FBXO10: variants seen among roughly 807,000 people sequenced by gnomAD.
FBXO10 encodes F-box only protein 10.
FBXO10 carries 39 observed loss-of-function variants against 80.7 expected under a neutral mutation model. That is an observed-to-expected ratio of 0.48 (90% CI 0.37 to 0.63). The LOEUF (loss-of-function observed/expected upper bound fraction) is 0.63. Among genes scored for constraint, FBXO10 ranks in the 30% least tolerant of loss-of-function variants. The probability of loss-of-function intolerance (pLI) is 0.00; values close to 1 mark genes in which losing one functional copy is unlikely to be tolerated. For missense variants in FBXO10, 1,025 were observed against 1,269.0 expected (o/e 0.81, Z 2.92); for synonymous variants, 449 against 489.6 (o/e 0.92, Z 1.09).
At chr9:37,552,549 G>C (rs984740642) in intron 1 of FBXO10, among the ~76,000 whole-genome samples, 1 of 152,006 alleles carries the variant, frequency 6.6e-6, no homozygotes, top group Non-Finnish European at 1.5e-5. Context: ...AAAATTAGCC[G>C]GGCATGGTGG....
chr9:37,521,479 A>C (rs979605129), intron 8 of FBXO10, 90 bp downstream of exon 8: 83 of 1,348,716 alleles, frequency 6.2e-5, no homozygotes, highest in Non-Finnish European at 4.9e-6. Context: ...TTTAAATTTA[A>C]ATTAAATTAA....
At chr9:37,564,785 C>T (rs922681928) in intron 1 of FBXO10, among the ~76,000 whole-genome samples, 4 of 152,214 alleles carry the variant, frequency 2.6e-5, no homozygotes, top group African/African-American at 9.7e-5. Context: ...TTTGATTTTA[C>T]AGGCTCATAG....
intron 3 of FBXO10, among the ~76,000 whole-genome samples, chr9:37,532,801 T>A (rs1821663464): frequency 6.6e-6 from 1 of 152,238 alleles, no homozygotes; most frequent in Non-Finnish European, 1.5e-5. Context: ...TAAGTTTGCA[T>A]GAAGATTTCC....
intron 10 of FBXO10, among the ~76,000 whole-genome samples, chr9:37,513,429 A>G (rs893371127): frequency 3.3e-5 from 5 of 152,224 alleles, no homozygotes; most frequent in Admixed American, 6.5e-5. Flanking sequence ...GTACACCCAT[A>G]CAGGGGAAGA....
chr9:37,543,612 G>A (rs1821979831), intron 1 of FBXO10, among the ~76,000 whole-genome samples: 1 of 152,220 alleles, frequency 6.6e-6, no homozygotes, highest in Non-Finnish European at 1.5e-5. Context: ...CTATAGCACT[G>A]CAGGTCATAG....
intron 1 of FBXO10, among the ~76,000 whole-genome samples, chr9:37,563,860 C>T (rs1563890028): frequency 6.6e-6 from 1 of 152,162 alleles, no homozygotes; most frequent in Non-Finnish European, 1.5e-5. Context: ...AAAAGAAAAC[C>T]CCATTTTCTG....
intron 1 of FBXO10, among the ~76,000 whole-genome samples, chr9:37,544,660 G>A (rs1169567971): frequency 2.0e-5 from 3 of 152,164 alleles, no homozygotes; most frequent in African/African-American, 7.2e-5. Flanking sequence ...GAGCCCAGAT[G>A]AGTAGGTTCT....
intron 10 of FBXO10, among the ~76,000 whole-genome samples, chr9:37,513,654 A>T (rs943025494): frequency 6.6e-6 from 1 of 151,776 alleles, no homozygotes; most frequent in Non-Finnish European, 1.5e-5. Context: ...CAGTAGTGTG[A>T]TCTGGGTTCA....
intron 8 of FBXO10, among the ~76,000 whole-genome samples, 164 bp from the exon 9 acceptor site, chr9:37,518,602 T>C (rs1404750056): frequency 6.6e-6 from 1 of 152,150 alleles, no homozygotes; most frequent in African/African-American, 2.4e-5. Flanking sequence ...TCCAAGCTGA[T>C]GAAACAGCAG....
At chr9:37,519,056 C>T (rs1007457100) in intron 8 of FBXO10, among the ~76,000 whole-genome samples, 2 of 152,102 alleles carry the variant, frequency 1.3e-5, no homozygotes, top group Admixed American at 6.6e-5. Flanking sequence ...ACTACAGGCA[C>T]CCGCCACCAC....
At chr9:37,535,010 T>A (rs1236071384) in intron 3 of FBXO10, among the ~76,000 whole-genome samples, 4 of 151,940 alleles carry the variant, frequency 2.6e-5, no homozygotes, top group African/African-American at 9.7e-5. Context: ...GGGTGACAAA[T>A]AATGGCAGTC....
intron 3 of FBXO10, among the ~76,000 whole-genome samples, chr9:37,536,807 A>G (rs895032585): frequency 5.3e-5 from 8 of 152,110 alleles, no homozygotes; most frequent in Non-Finnish European, 1.0e-4. Context: ...CTACTCCGAC[A>G]TGGTGAGATA....
intron 1 of FBXO10, among the ~76,000 whole-genome samples, chr9:37,567,062 C>T (rs185459194): frequency 1.3e-5 from 2 of 152,074 alleles, no homozygotes; most frequent in Admixed American, 6.5e-5. Flanking sequence ...AAATTTATTG[C>T]ATGTCCTTGA....
chr9:37,512,826 T>G, intron 10 of FBXO10, 105 bp from the exon 11 acceptor site: 1 of 1,193,986 alleles, frequency 8.4e-7, no homozygotes, highest in Non-Finnish European at 1.2e-6. Context: ...GATCCAGGTG[T>G]TTAAATCTGG....
intron 1 of FBXO10, 40 bp from the exon 2 acceptor site, chr9:37,541,814 C>T: frequency 2.0e-6 from 3 of 1,476,858 alleles, no homozygotes; most frequent in Non-Finnish European, 2.7e-6. Context: ...TTCTGTCTAT[C>T]CTACTTACCA....
chr9:37,517,117 T>C (rs1250539515), intron 9 of FBXO10, among the ~76,000 whole-genome samples: 2 of 152,200 alleles, frequency 1.3e-5, no homozygotes, highest in East Asian at 3.8e-4. Flanking sequence ...CCAAATATCC[T>C]ATGTCCTTAC....
intron 1 of FBXO10, among the ~76,000 whole-genome samples, chr9:37,562,326 T>G (rs1361290022): frequency 1.3e-5 from 2 of 152,210 alleles, no homozygotes; most frequent in Admixed American, 6.5e-5. Flanking sequence ...CTGTAAGCTC[T>G]CTAATGTCTT....
Position 37,537,449 on chromosome 9 carries a change from G to T in FBXO10, c.1080C>A (p.Pro360=). Residue 360 remains proline, a synonymous_variant, in exon 3 of 11, where the codon CCC becomes CCA. Transcript: ENST00000432825. The part of the protein sequence containing the change: ...TPDSSDGGLS[P]SGEDEDEDQL... ...GGTCCTCATCTTCATCCTCACCGCT[G>T]GGACTCAGGCCTCCATCGCTGCTGT... 6.2e-7 allele frequency: 1 copy of T among 1,604,444 alleles called. No homozygotes were observed. Among genetic ancestry groups the T allele is most frequent in the East Asian group, 2.2e-5 (1 of 44,510 alleles).
chr9:37,570,899 C>G (rs1213000441), intron 1 of FBXO10, among the ~76,000 whole-genome samples: 2 of 151,022 alleles, frequency 1.3e-5, no homozygotes, highest in Admixed American at 1.3e-4. Flanking sequence ...GAGGCTGAGG[C>G]AGGAGAATCG....
Sources: gnomAD v4.1 joint callset for allele counts (sites outside exome capture counted in the v4.1 genomes callset) on GRCh38, gnomAD v4.1.1 for gene constraint, MANE v1.5 for transcripts, NCBI Gene and HGNC (gene_info 2026-07-23, HGNC 2026-07-21) for gene names.